The following MEGF11 variants were observed in gnomAD, a reference collection of about 807,000 sequenced individuals.
MEGF11 encodes multiple EGF like domains 11.
MEGF11 carries 126 observed loss-of-function variants against 146.6 expected under a neutral mutation model. The ratio of observed to expected loss-of-function variants is 0.86; its 90% CI spans 0.74 to 1.00. The LOEUF is 1.00. Among genes scored for constraint, MEGF11 ranks in the 50% least tolerant of loss-of-function variants. MEGF11 has a pLI of 0.00. For missense variants in MEGF11, 1,509 were observed against 1,521.2 expected (o/e 0.99, Z 0.13); for synonymous variants, 532 against 583.4 (o/e 0.91, Z 1.27).
intron 1 of MEGF11, among the ~76,000 whole-genome samples, chr15:66,173,373 T>A (rs1279783739): frequency 6.6e-6 from 1 of 152,128 alleles, no homozygotes; most frequent in African/African-American, 2.4e-5. Context: ...TGGAGTACAG[T>A]GGTGCGACCT....
chr15:66,191,339 TC>T (rs1251546813), intron 1 of MEGF11, among the ~76,000 whole-genome samples: 8 of 152,032 alleles, frequency 5.3e-5, no homozygotes, highest in Non-Finnish European at 1.0e-4. Flanking sequence ...TTAAGGTCCC[TC>T]CTGACTAAGC....
intron 3 of MEGF11, among the ~76,000 whole-genome samples, chr15:66,120,045 C>T (rs2087945410): frequency 6.6e-6 from 1 of 152,016 alleles, no homozygotes; most frequent in South Asian, 2.1e-4. Context: ...AATAAGAAAA[C>T]TAAAATTAGT....
chr15:65,998,646 G>T (rs1163349184), intron 5 of MEGF11, among the ~76,000 whole-genome samples: 2 of 152,164 alleles, frequency 1.3e-5, no homozygotes, highest in African/African-American at 4.8e-5. Flanking sequence ...ACGTAAGAGG[G>T]CAGGTCACGG....
At chr15:66,046,198 A>G (rs1378409199) in intron 5 of MEGF11, among the ~76,000 whole-genome samples, 4 of 152,196 alleles carry the variant, frequency 2.6e-5, no homozygotes, top group Non-Finnish European at 4.4e-5. Context: ...ACTAAGTAGC[A>G]GGAAGCTGAC....
intron 1 of MEGF11, among the ~76,000 whole-genome samples, chr15:66,231,635 C>T (rs2091969844): frequency 6.6e-6 from 1 of 152,178 alleles, no homozygotes; most frequent in Admixed American, 6.5e-5. Flanking sequence ...CCCTCCCTTG[C>T]TTGCTAATCC....
intron 1 of MEGF11, among the ~76,000 whole-genome samples, chr15:66,171,507 G>A (rs1038451085): frequency 6.6e-6 from 1 of 152,104 alleles, no homozygotes; most frequent in Non-Finnish European, 1.5e-5. Context: ...GACATGGGTG[G>A]GGGTCCCTGA....
intron 1 of MEGF11, among the ~76,000 whole-genome samples, chr15:66,174,533 G>A (rs566737023): frequency 7.2e-5 from 11 of 152,192 alleles, no homozygotes; most frequent in Middle Eastern, 3.4e-3. Flanking sequence ...GATCAGATGA[G>A]CTTTAGTGCT....
intron 5 of MEGF11, among the ~76,000 whole-genome samples, chr15:66,092,956 C>T (rs2086380794): frequency 6.6e-6 from 1 of 152,212 alleles, no homozygotes. Context: ...GGGGGAAGCC[C>T]AGACATTTTA....
At position 66,199,860 on chromosome 15, in the gene MEGF11, ATATAGTCCAAAC is replaced by A. The variant is rs2091106971; in HGVS notation, c.-9+53733_-9+53744del. 2.6e-5 allele frequency among the ~76,000 whole-genome samples: 4 copies of A among 152,236 alleles called. No homozygotes were observed. The South Asian group carries it at 8.3e-4, about 32-fold the overall frequency. ...AAAAAGTCCCTTGAAATATTACATA[ATATAGTCCAAAC>A]TAGAAACAATCTAAATATCTACCAG... On this transcript the variant is annotated intron_variant, in intron 1 of 25. Coordinates refer to ENST00000395614, the MANE Select transcript of MEGF11 (RefSeq NM_001385028.1).
At chr15:66,169,246 G>C (rs2090180490) in intron 1 of MEGF11, among the ~76,000 whole-genome samples, 1 of 152,222 alleles carries the variant, frequency 6.6e-6, no homozygotes, top group Non-Finnish European at 1.5e-5. Flanking sequence ...TAAACGCCAG[G>C]CTGCCCAGTC....
intron 5 of MEGF11, among the ~76,000 whole-genome samples, chr15:66,089,285 C>T (rs2086231007): frequency 6.6e-6 from 1 of 152,188 alleles, no homozygotes; most frequent in Non-Finnish European, 1.5e-5. Flanking sequence ...TGCCTTGTGC[C>T]CAGTGTCTGG....
chr15:65,996,467 T>C (rs1596969266), intron 5 of MEGF11, among the ~76,000 whole-genome samples: 2 of 145,170 alleles, frequency 1.4e-5, no homozygotes, highest in East Asian at 3.9e-4. Flanking sequence ...AATAGCCCTG[T>C]TTATCTCTAG....
chr15:65,990,530 A>G (rs946492294), intron 5 of MEGF11, among the ~76,000 whole-genome samples: 1 of 151,910 alleles, frequency 6.6e-6, no homozygotes, highest in Non-Finnish European at 1.5e-5. Context: ...AACCTTGGTA[A>G]CATGGTGAGA....
At position 65,930,905 on chromosome 15, in the gene MEGF11, A is replaced by C. The variant is rs775665071; in HGVS notation, c.1326T>G (p.Tyr442Ter). ...VCAVSCAAGT[Y>*]GPNCSSICSC... ...TACAGATGGACGAGCAGTTGGGGCC[A>C]TAGGTCCCTGCTGCACAGGAAACGG... The change falls in exon 11 of 26, where the codon TAT (tyrosine) becomes TAG (stop). Residue 442 changes from tyrosine to a stop codon, truncating the protein, a stop_gained. Coordinates refer to ENST00000395614, the MANE Select transcript of MEGF11 (RefSeq NM_001385028.1). LOFTEE classifies it high-confidence loss of function. 2.3e-5 allele frequency: 37 copies of C among 1,611,286 alleles called. No individual in the cohort carries two copies. Among genetic ancestry groups the C allele is most frequent in the Non-Finnish European group, 3.1e-5 (36 of 1,178,358 alleles).
chr15:66,194,724 G>C (rs2090967450), intron 1 of MEGF11, among the ~76,000 whole-genome samples: 1 of 152,274 alleles, frequency 6.6e-6, no homozygotes, highest in Admixed American at 6.5e-5. Context: ...AGTGTACACT[G>C]CTTGGGTGAC....
rs534294805 is a variant in MEGF11, at chr15:66,084,113, A to G, written c.394+10289T>C. On this transcript the variant is annotated intron_variant, in intron 5 of 25. Transcript: ENST00000395614. The stretch of plus-strand genomic sequence containing the variant: ...GTGTACTTGCACAAACCTAGATGGT[A>G]TAGCCTACCACACACCTAGGCTACA... 3.9e-5 allele frequency among the ~76,000 whole-genome samples: 6 copies of G among 152,272 alleles called. No homozygotes were observed. The South Asian group carries it at 6.2e-4, about 16-fold the overall frequency.
chr15:66,121,356 C>T (rs1597103819), intron 3 of MEGF11, among the ~76,000 whole-genome samples: 1 of 152,204 alleles, frequency 6.6e-6, no homozygotes, highest in Non-Finnish European at 1.5e-5. Flanking sequence ...TTAGTCCCAC[C>T]TCCTCATTCC....
At chr15:65,953,159 A>G (rs333548) in intron 10 of MEGF11, among the ~76,000 whole-genome samples, 95,090 of 152,076 alleles carry the variant, frequency 0.63, 30,140 homozygotes, top group Admixed American at 0.68. Flanking sequence ...CTACTCTCAT[A>G]GCTTACCGGT....
intron 5 of MEGF11, among the ~76,000 whole-genome samples, chr15:66,059,418 T>A (rs1274046115): frequency 6.6e-6 from 1 of 152,228 alleles, no homozygotes; most frequent in East Asian, 1.9e-4. Context: ...TGGGTTTTAA[T>A]GGTCCTAGGC....
Sources: gnomAD v4.1 joint callset for allele counts (sites outside exome capture counted in the v4.1 genomes callset) on GRCh38, gnomAD v4.1.1 for gene constraint, MANE v1.5 for transcripts, NCBI Gene and HGNC (gene_info 2026-07-23, HGNC 2026-07-21) for gene names.